MUC6: variants seen among roughly 807,000 people sequenced by gnomAD.
MUC6 encodes the protein mucin 6, oligomeric mucus/gel-forming (gene/pseudogene).
MUC6 carries 188 observed loss-of-function variants against 201.5 expected under a neutral mutation model. The observed-to-expected ratio is 0.93, with a 90% CI of 0.83 to 1.05. The LOEUF is 1.05. MUC6 is among the 50% of genes least tolerant of loss of function. The probability of loss-of-function intolerance (pLI) is 0.00; values close to 1 mark genes in which losing one functional copy is unlikely to be tolerated. For synonymous variants in MUC6, 1,228 were observed against 1,389.4 expected (o/e 0.88, Z 2.58); for missense variants, 2,706 against 3,256.9 (o/e 0.83, Z 4.12).
In MUC6 at chr11:1,019,997, C is replaced by A. The variant is rs750749424; in HGVS notation, c.3808+93G>T. 4 of 1,449,640 alleles carry A rather than the reference C, an allele frequency of 2.8e-6. No homozygotes were observed. The South Asian group carries it at 4.9e-5, about 18-fold the overall frequency. The allele number at this position is 1,449,640 out of a possible 1,614,324, so 89.8% of individuals were successfully genotyped here. ...AATCTGCTTAGTGGCAGATGTGAGCCAGGAAGCAGGGCCATCCCTAAGCCC... is the reference window on the plus strand; with the variant it reads ...AATCTGCTTAGTGGCAGATGTGAGCAAGGAAGCAGGGCCATCCCTAAGCCC... On this transcript the variant is annotated intron_variant, in intron 29 of 32. Transcript: ENST00000421673.
chr11:1,020,848 G>T, intron 27 of MUC6, 114 bp from the exon 28 acceptor site: 1 of 1,336,094 alleles, frequency 7.5e-7, no homozygotes, highest in South Asian at 1.3e-5. Context: ...GTGGTGGAGG[G>T]GACTGGAGGG....
In MUC6 at chr11:1,027,291, G is replaced by GGACT; in HGVS notation, c.2204_2207dup (p.Thr737ValfsTer33). 1 of 1,612,606 alleles carries GGACT rather than the reference G, an allele frequency of 6.2e-7. No individual in the cohort carries two copies. Among genetic ancestry groups the GGACT allele is most frequent in the Non-Finnish European group, 8.5e-7 (1 of 1,179,826 alleles). On this transcript the variant is annotated frameshift_variant, in exon 17 of 33. Coordinates refer to ENST00000421673, the MANE Select transcript of MUC6 (RefSeq NM_005961.3). LOFTEE classifies it high-confidence loss of function. Reference sequence around the variant, plus strand: ...ACCAGGTGATGCCGTTGATGACAGTGGACTGCTCGGCCAGGATGAACTTGT... The same window carrying GGACT: ...ACCAGGTGATGCCGTTGATGACAGTGGACTGACTGCTCGGCCAGGATGAACTTGT...
intron 28 of MUC6, 127 bp downstream of exon 28, chr11:1,020,557 G>T: frequency 1.5e-6 from 2 of 1,375,954 alleles, no homozygotes. Flanking sequence ...TGCCAGGTTA[G>T]ACCTGAGAAG....
chr11:1,019,617 TG>T, intron 29 of MUC6, 121 bp from the exon 30 acceptor site: 1 of 879,786 alleles, frequency 1.1e-6, no homozygotes, highest in South Asian at 1.5e-5. Flanking sequence ...TCAGCCTCCT[TG>T]GAGGGGCTCT....
chr11:1,035,587 C>T (rs535365800), intron 1 of MUC6, among the ~76,000 whole-genome samples: 1 of 151,718 alleles, frequency 6.6e-6, no homozygotes, highest in East Asian at 1.9e-4. Flanking sequence ...ACCCCCACAT[C>T]TCCCACGGTT....
In MUC6 at chr11:1,024,943, G is replaced by C; in HGVS notation, c.3126C>G (p.Phe1042Leu). The C allele has an allele frequency of 1.2e-6, 2 of 1,613,036 alleles. No individual in the cohort carries two copies. The highest frequency in any genetic ancestry group is 1.7e-6 in the Non-Finnish European group (2 of 1,179,898). Residue 1042 changes from phenylalanine to leucine, a missense_variant, in exon 24 of 33, where the codon TTC (phenylalanine) becomes TTG (leucine). By Grantham distance (22) the Phe-to-Leu change is conservative. Transcript: ENST00000421673. ...KESPLCGDVS[F>L]VTDPCSLNAF... ...CATTGAGACTGCAGGGGTCTGTCAC[G>C]AAGCTCACGTCCCCGCACAGCGGGC...
chr11:1,025,799 G>T lies in MUC6; in HGVS notation c.2799+6C>A, dbSNP rs1856942416. On this transcript the variant is annotated splice_donor_region_variant and intron_variant, in intron 22 of 32. Coordinates refer to ENST00000421673, the MANE Select transcript of MUC6 (RefSeq NM_005961.3). ...CTGCCCTGCCAGAGTCTGCCCGGCT[G>T]CTCACCCCCAGGAAGATCTTGATGG... The T allele has an allele frequency of 6.2e-7, 1 of 1,609,144 alleles. No individual in the cohort carries two copies. Among genetic ancestry groups the T allele is most frequent in the East Asian group, 2.2e-5 (1 of 44,774 alleles).
At chr11:1,031,577 C>T (rs957254086) in intron 4 of MUC6, 30 bp downstream of exon 4, 6 of 1,542,662 alleles carry the variant, frequency 3.9e-6, no homozygotes, top group South Asian at 1.2e-5. Flanking sequence ...CTGCGGGTCT[C>T]CAGGCCCACC....
chr11:1,036,570 A>C (rs1207876631), intron 1 of MUC6, 34 bp downstream of exon 1: 1 of 1,548,202 alleles, frequency 6.5e-7, no homozygotes, highest in Admixed American at 2.0e-5. Context: ...CTCTGAGGGC[A>C]CCGCAGTGTC....
At position 1,021,226 on chromosome 11, in the gene MUC6, C is replaced by T; in HGVS notation, c.3578G>A (p.Cys1193Tyr). ...CCGACTGGACTTACTGCAGGGCACGCACACCCCCTCCTCGTGGTCGAAGTA... is the reference window on the plus strand; with the variant it reads ...CCGACTGGACTTACTGCAGGGCACGTACACCCCCTCCTCGTGGTCGAAGTA... ...DEYFDHEEGV[C>Y]VPCMPPTTPQ... is the part of the protein sequence containing the mutation. Residue 1193 changes from cysteine (C) to tyrosine (Y), a missense_variant, in exon 27 of 33, where the codon TGC becomes TAC. This residue lies in a region of MUC6 where 1,850 missense variants were observed against 1,958.3 expected (regional missense o/e 0.94). Transcript: ENST00000421673. The T allele has an allele frequency of 1.9e-6, 3 of 1,590,874 alleles. No homozygotes were observed. Among genetic ancestry groups the T allele is most frequent in the Non-Finnish European group, 2.6e-6 (3 of 1,169,794 alleles).
chr11:1,031,891 C>T lies in MUC6; in HGVS notation c.278G>A (p.Ser93Asn), dbSNP rs371239430. The T allele has an allele frequency of 1.9e-6, 3 of 1,613,142 alleles. No individual in the cohort carries two copies. The Admixed American group carries it at 5.0e-5, about 27-fold the overall frequency. The change falls in exon 3 of 33, where the codon AGC becomes AAC. Residue 93 changes from serine (S) to asparagine (N), a missense_variant. Transcript: ENST00000421673. The part of the protein sequence containing the change: ...SVQLRRGPDG[S>N]ISRIIVELGA... ...CAGCTCCACGATGATCCGCGAGATGCTCCCGTCTGGGCCTCGCCGCAGCTG... is the reference window on the plus strand; with the variant it reads ...CAGCTCCACGATGATCCGCGAGATGTTCCCGTCTGGGCCTCGCCGCAGCTG...
chr11:1,027,852 G>A lies in MUC6; in HGVS notation c.1849-35C>T, dbSNP rs199872645. On this transcript the variant is annotated intron_variant, in intron 15 of 32. Transcript: ENST00000421673. ...GAGAGCCAGCATGGGCTGGTGGCAG[G>A]CACCCTGCCCTGGGGACATGGGGGT... 9 of 1,602,614 alleles carry A rather than the reference G, an allele frequency of 5.6e-6. No individual in the cohort carries two copies. The Admixed American group carries it at 1.4e-4, about 24-fold the overall frequency.
At chr11:1,019,658 G>A (rs1324789177) in intron 29 of MUC6, among the ~76,000 whole-genome samples, 162 bp from the exon 30 acceptor site, 4 of 152,172 alleles carry the variant, frequency 2.6e-5, no homozygotes, top group African/African-American at 4.8e-5. Flanking sequence ...TCCTCCCACC[G>A]TACTCCTGGC....
At chr11:1,023,338 ATG>A (rs1056946565) in intron 26 of MUC6, among the ~76,000 whole-genome samples, 169 bp downstream of exon 26, 23 of 149,976 alleles carry the variant, frequency 1.5e-4, no homozygotes, top group African/African-American at 5.7e-4. Flanking sequence ...GCATGAATGA[ATG>A]TGAATGTGCG....
At position 1,020,268 on chromosome 11, in the gene MUC6, G is replaced by T. The variant is rs113111233; in HGVS notation, c.3641-11C>A. 1 of 1,596,156 alleles carries T rather than the reference G, an allele frequency of 6.3e-7. No individual in the cohort carries two copies. The highest frequency in any genetic ancestry group is 1.4e-5 in the African/African-American group (1 of 73,896). ...GCGTGGGCCGTGAGCCTGGGTGGGC[G>T]GACATGCCATCAGGGCTGCAGGGTA... On this transcript the variant is annotated splice_polypyrimidine_tract_variant and intron_variant, in intron 28 of 32. Coordinates refer to ENST00000421673, the MANE Select transcript of MUC6 (RefSeq NM_005961.3).
rs565630389 is a variant in MUC6 at position 1,031,223 on chromosome 11, C to T, written c.520G>A (p.Gly174Arg). 24 of 1,587,904 alleles carry T rather than the reference C, an allele frequency of 1.5e-5. No individual in the cohort carries two copies. Among genetic ancestry groups the T allele is most frequent in the Admixed American group, 1.0e-4 (6 of 57,570 alleles). The stretch of plus-strand genomic sequence containing the variant: ...TTCCCGTCAAAGTTCCCGCAGAGCC[C>T]GCACATCTGACCCATGTACTTCCGC... The part of the protein sequence containing the change: ...VERKYMGQMC[G>R]LCGNFDGKVT... The change falls in exon 5 of 33, where the codon GGG becomes AGG. Residue 174 changes from glycine (G) to arginine (R), a missense_variant. Coordinates refer to ENST00000421673, the MANE Select transcript of MUC6 (RefSeq NM_005961.3).
chr11:1,019,062 C>T (rs914558330), intron 30 of MUC6, among the ~76,000 whole-genome samples: 6 of 152,218 alleles, frequency 3.9e-5, no homozygotes, highest in African/African-American at 1.2e-4. Flanking sequence ...TGGTGGTGGC[C>T]CCCACCCTCC....
Position 1,023,968 on chromosome 11 carries a change from A to G in MUC6, c.3361T>C (p.Trp1121Arg). 1 of 1,612,688 alleles carries G rather than the reference A, an allele frequency of 6.2e-7. No individual in the cohort carries two copies. The highest frequency in any genetic ancestry group is 8.5e-7 in the Non-Finnish European group (1 of 1,179,656). ...TCACGGCAGAAGGCCGGGGTCCTCCAGTCCACGCACACACCCTTGTCCAGA... is the reference window on the plus strand; with the variant it reads ...TCACGGCAGAAGGCCGGGGTCCTCCGGTCCACGCACACACCCTTGTCCAGA... ...ACLDKGVCVD[W>R]RTPAFCPIYC... Residue 1121 changes from tryptophan (W) to arginine (R), a missense_variant, in exon 25 of 33, where the codon TGG becomes CGG. Trp to Arg is a moderately radical substitution (Grantham distance 101). This residue lies in a region of MUC6 where 1,850 missense variants were observed against 1,958.3 expected (regional missense o/e 0.94). Coordinates refer to ENST00000421673, the MANE Select transcript of MUC6 (RefSeq NM_005961.3).
intron 2 of MUC6, among the ~76,000 whole-genome samples, chr11:1,032,700 TTG>T (rs913927374): frequency 1.4e-4 from 21 of 145,958 alleles, no homozygotes; most frequent in East Asian, 6.1e-4. Context: ...TCAGGTGTGT[TTG>T]TGTGTAGGTT....
Sources: allele counts gnomAD v4.1 joint callset (sites outside exome capture counted in the v4.1 genomes callset), GRCh38; gene constraint gnomAD v4.1.1; regional missense constraint gnomAD v4.1.1; transcripts MANE v1.5; gene names NCBI Gene and HGNC (gene_info 2026-07-23, HGNC 2026-07-21).